The following INTS4 variants were observed in gnomAD, a reference collection of about 807,000 sequenced individuals.
INTS4 encodes the protein integrator complex subunit 4.
INTS4 carries 70 observed loss-of-function variants against 119.5 expected under a neutral mutation model. The ratio of observed to expected loss-of-function variants is 0.59; its 90% confidence interval spans 0.48 to 0.71. The LOEUF (loss-of-function observed/expected upper bound fraction) is 0.71, where lower values mean the gene tolerates loss of function less well. Among genes scored for constraint, INTS4 ranks in the 30% least tolerant of loss-of-function variants. The probability of loss-of-function intolerance (pLI) is 0.00; values close to 1 mark genes in which losing one functional copy is unlikely to be tolerated. For synonymous variants in INTS4, 316 were observed against 419.6 expected (o/e 0.75, Z 3.02); for missense variants, 867 against 1,173.2 (o/e 0.74, Z 3.81).
intron 19 of INTS4, among the ~76,000 whole-genome samples, chr11:77,893,997 G>A (rs1346098026): frequency 2.6e-5 from 4 of 151,922 alleles, no homozygotes; most frequent in Admixed American, 6.6e-5. Context: ...GTATTTACAC[G>A]TTTTCTTCAT....
At chr11:77,919,365 C>T (rs1206025049) in intron 14 of INTS4, among the ~76,000 whole-genome samples, 1 of 152,044 alleles carries the variant, frequency 6.6e-6, no homozygotes, top group Non-Finnish European at 1.5e-5. Flanking sequence ...CGGCTCACTG[C>T]AACCTCCGCC....
downstream of INTS4, among the ~76,000 whole-genome samples, chr11:77,875,290 C>A (rs1393546565): frequency 6.6e-6 from 1 of 152,162 alleles, no homozygotes; most frequent in African/African-American, 2.4e-5. Context: ...AGTCCAGGTA[C>A]AGATCAGTTG....
intron 8 of INTS4, among the ~76,000 whole-genome samples, chr11:77,955,528 C>T (rs1245240512): frequency 6.6e-6 from 1 of 151,214 alleles, no homozygotes; most frequent in Non-Finnish European, 1.5e-5. Context: ...GAGAGTCTCC[C>T]CCTTGTCGCC....
At chr11:77,948,367 C>T (rs566221340) in intron 8 of INTS4, among the ~76,000 whole-genome samples, 2 of 152,288 alleles carry the variant, frequency 1.3e-5, no homozygotes, top group African/African-American at 2.4e-5. Flanking sequence ...TTGAATATAG[C>T]TGGGCGCGGT....
intron 18 of INTS4, among the ~76,000 whole-genome samples, chr11:77,896,679 C>A: frequency 6.7e-6 from 1 of 148,378 alleles, no homozygotes; most frequent in Non-Finnish European, 1.5e-5. Context: ...AGAATTTACT[C>A]AGAATACAGA....
chr11:77,956,219 A>G (rs934416828), intron 7 of INTS4, among the ~76,000 whole-genome samples, 157 bp from the exon 8 acceptor site: 10 of 152,190 alleles, frequency 6.6e-5, no homozygotes, highest in African/African-American at 2.4e-4. Context: ...GACCAACCTG[A>G]GCAATATGGC....
At chr11:77,981,689 G>A in intron 2 of INTS4, 113 bp from the exon 3 acceptor site, 1 of 463,168 alleles carries the variant, frequency 2.2e-6, no homozygotes, top group Non-Finnish European at 3.8e-6. Context: ...GTATTCTATG[G>A]CATCATTTCT....
intron 16 of INTS4, among the ~76,000 whole-genome samples, chr11:77,907,221 T>C (rs1952977654): frequency 6.6e-6 from 1 of 152,130 alleles, no homozygotes; most frequent in South Asian, 2.1e-4. Flanking sequence ...TATACAGGAA[T>C]GCACCACCAC....
intron 2 of INTS4, among the ~76,000 whole-genome samples, chr11:77,984,309 C>T (rs1184885927): frequency 6.6e-6 from 1 of 152,062 alleles, no homozygotes; most frequent in African/African-American, 2.4e-5. Flanking sequence ...GACTGACCAA[C>T]ATGGCAAAAC....
At chr11:77,933,148 G>A (rs1409913490) in intron 10 of INTS4, among the ~76,000 whole-genome samples, 1 of 152,070 alleles carries the variant, frequency 6.6e-6, no homozygotes, top group Admixed American at 6.6e-5. Flanking sequence ...ACTGAAAACT[G>A]TATAACTAAA....
intron 16 of INTS4, among the ~76,000 whole-genome samples, chr11:77,906,860 G>A (rs1387033203): frequency 6.6e-6 from 1 of 152,098 alleles, no homozygotes; most frequent in Non-Finnish European, 1.5e-5. Flanking sequence ...AAGTGAGAAG[G>A]GCTCTCCTAA....
At chr11:77,932,240 C>CA (rs530169988) in intron 10 of INTS4, among the ~76,000 whole-genome samples, 1 of 151,892 alleles carries the variant, frequency 6.6e-6, no homozygotes, top group African/African-American at 2.4e-5. Flanking sequence ...AACAAATTTC[C>CA]AAAAAACAAA....
At chr11:77,905,517 T>C (rs890222944) in intron 16 of INTS4, among the ~76,000 whole-genome samples, 3 of 151,618 alleles carry the variant, frequency 2.0e-5, no homozygotes, top group African/African-American at 7.3e-5. Flanking sequence ...TGCTTGGATA[T>C]CAGAAATCTG....
intron 3 of INTS4, among the ~76,000 whole-genome samples, chr11:77,979,808 T>A (rs1489662760): frequency 6.6e-6 from 1 of 150,554 alleles, no homozygotes; most frequent in African/African-American, 2.4e-5. Flanking sequence ...TGAAACACCA[T>A]CTCTACTAAA....
At chr11:77,899,174 G>C (rs112706914) in intron 18 of INTS4, among the ~76,000 whole-genome samples, 19,336 of 152,042 alleles carry the variant, frequency 0.13, 1,412 homozygotes, top group Admixed American at 0.19. Flanking sequence ...CTTGTCCAAG[G>C]GTTACTCAGT....
intron 18 of INTS4, among the ~76,000 whole-genome samples, chr11:77,895,511 T>C (rs888384783): frequency 8.0e-6 from 1 of 124,882 alleles, no homozygotes; most frequent in Non-Finnish European, 1.6e-5. Context: ...GCAACATTCA[T>C]TCTAATTCTT....
Position 77,938,720 on chromosome 11 carries a change from C to T in INTS4, c.1096G>A (p.Gly366Arg), listed in dbSNP as rs753152853. The change falls in exon 10 of 23, where the codon GGG becomes AGG. Residue 366 changes from glycine to arginine, a missense_variant. Coordinates refer to ENST00000534064, the MANE Select transcript of INTS4 (RefSeq NM_033547.4). ...DDAPKEEVDT[G>R]AVNLIESGAC... ...CCTGACTCAATCAAGTTCACAGCCCCGGTATCTACTTCTTCCTTGGGAGCA... is the reference window on the plus strand; with the variant it reads ...CCTGACTCAATCAAGTTCACAGCCCTGGTATCTACTTCTTCCTTGGGAGCA... 10 of 1,612,006 alleles carry T rather than the reference C, an allele frequency of 6.2e-6. No homozygotes were observed. Among genetic ancestry groups the T allele is most frequent in the South Asian group, 4.4e-5 (4 of 90,988 alleles).
chr11:77,994,530 G>A (rs911841632), intron 1 of INTS4, 60 bp downstream of exon 1: 1 of 1,349,516 alleles, frequency 7.4e-7, no homozygotes, highest in African/African-American at 1.4e-5. Flanking sequence ...CAAAGTGCCT[G>A]GGATTTGGAT....
intron 15 of INTS4, among the ~76,000 whole-genome samples, chr11:77,914,805 G>C (rs1953169414): frequency 6.6e-6 from 1 of 152,198 alleles, no homozygotes; most frequent in African/African-American, 2.4e-5. Flanking sequence ...CTAGTTTAGA[G>C]TACTGTTACT....
Sources: gnomAD v4.1 joint callset for allele counts (sites outside exome capture counted in the v4.1 genomes callset) on GRCh38, gnomAD v4.1.1 for gene constraint, MANE v1.5 for transcripts, NCBI Gene and HGNC (gene_info 2026-07-23, HGNC 2026-07-21) for gene names.